The following CCSER1 variants were observed in gnomAD, a reference collection of about 807,000 sequenced individuals.
CCSER1 encodes serine-rich coiled-coil domain-containing protein 1.
Under a neutral mutation model 82.0 loss-of-function variants are expected in CCSER1, and 41 were observed. The ratio of observed to expected loss-of-function variants is 0.50; its 90% confidence interval spans 0.39 to 0.65. The LOEUF is 0.65. CCSER1 is among the 30% of genes least tolerant of loss of function. The probability of loss-of-function intolerance (pLI) is 0.00; values close to 1 mark genes in which losing one functional copy is unlikely to be tolerated. For synonymous variants in CCSER1, 414 were observed against 383.9 expected (o/e 1.08, Z -0.92); for missense variants, 1,119 against 1,064.2 (o/e 1.05, Z -0.72).
chr4:91,356,327 G>A (rs936900752), intron 10 of CCSER1, among the ~76,000 whole-genome samples: 9 of 152,310 alleles, frequency 5.9e-5, no homozygotes, highest in Non-Finnish European at 8.8e-5. Flanking sequence ...CGAAAAGCTC[G>A]TTGCTGTTGG....
At chr4:90,546,952 G>GAGTA (rs2153638563) in intron 5 of CCSER1, among the ~76,000 whole-genome samples, 1 of 152,122 alleles carries the variant, frequency 6.6e-6, no homozygotes, top group East Asian at 1.9e-4. Flanking sequence ...AAAGCCTAAT[G>GAGTA]AGTAAGTCCA....
chr4:91,370,687 C>A, intron 10 of CCSER1, among the ~76,000 whole-genome samples: 1 of 150,644 alleles, frequency 6.6e-6, no homozygotes, highest in African/African-American at 2.4e-5. Flanking sequence ...CAGAATGAGA[C>A]TCTGTCTCAA....
intron 1 of CCSER1, among the ~76,000 whole-genome samples, chr4:90,184,692 C>A (rs889507411): frequency 3.9e-5 from 6 of 152,072 alleles, no homozygotes; most frequent in Non-Finnish European, 5.9e-5. Flanking sequence ...GCTCAGCCTG[C>A]AGATGGTGTG....
chr4:90,685,583 A>T (rs763886956), intron 6 of CCSER1, among the ~76,000 whole-genome samples: 5 of 152,090 alleles, frequency 3.3e-5, no homozygotes, highest in Admixed American at 6.5e-5. Context: ...GAAAACACAG[A>T]CATATGTAAG....
chr4:90,731,555 TA>T (rs1744752402), intron 7 of CCSER1, among the ~76,000 whole-genome samples: 2 of 152,234 alleles, frequency 1.3e-5, no homozygotes, highest in Admixed American at 6.5e-5. Context: ...AATAAGCAGG[TA>T]AAAATAAAAT....
intron 1 of CCSER1, among the ~76,000 whole-genome samples, chr4:90,281,341 A>T (rs139874118): frequency 1.3e-5 from 2 of 152,116 alleles, no homozygotes; most frequent in Non-Finnish European, 1.5e-5. Flanking sequence ...GGGTTTTTCC[A>T]TGTTGCCAGG....
At chr4:91,084,920 A>T (rs1427243383) in intron 9 of CCSER1, among the ~76,000 whole-genome samples, 2 of 152,078 alleles carry the variant, frequency 1.3e-5, no homozygotes, top group African/African-American at 4.8e-5. Flanking sequence ...TTAAACATAA[A>T]TGCTGTAGCC....
chr4:91,014,685 T>TTTTTGGTTG (rs1370083021), intron 9 of CCSER1, among the ~76,000 whole-genome samples: 20 of 82,532 alleles, frequency 2.4e-4, no homozygotes, highest in Non-Finnish European at 5.4e-4. Context: ...AATGTAAACA[T>TTTTTGGTTG]ACATTCAAAA....
intron 10 of CCSER1, among the ~76,000 whole-genome samples, chr4:91,238,781 G>A (rs190532086): frequency 6.6e-6 from 1 of 151,942 alleles, no homozygotes; most frequent in Non-Finnish European, 1.5e-5. Context: ...TCATAAAAAC[G>A]GTTTGCATTT....
intron 6 of CCSER1, among the ~76,000 whole-genome samples, chr4:90,650,529 GA>G (rs1175734254): frequency 6.6e-6 from 1 of 152,152 alleles, no homozygotes; most frequent in Non-Finnish European, 1.5e-5. Context: ...TGCAATAAAA[GA>G]AAGGGAGATA....
intron 10 of CCSER1, among the ~76,000 whole-genome samples, chr4:91,102,012 G>T (rs1264973624): frequency 1.3e-5 from 2 of 149,136 alleles, no homozygotes; most frequent in Admixed American, 6.7e-5. Flanking sequence ...CCTCACTTTT[G>T]CAGTCAGACA....
At chr4:90,167,837 G>A (rs972305738) in intron 1 of CCSER1, among the ~76,000 whole-genome samples, 2 of 151,968 alleles carry the variant, frequency 1.3e-5, no homozygotes, top group Non-Finnish European at 2.9e-5. Context: ...GTATTCCATG[G>A]TGTATATGTG....
At chr4:91,299,763 G>A (rs1353307960) in intron 10 of CCSER1, among the ~76,000 whole-genome samples, 2 of 151,094 alleles carry the variant, frequency 1.3e-5, no homozygotes, top group African/African-American at 4.9e-5. Flanking sequence ...TTTTAGCAGG[G>A]ACTTTTTCTA....
intron 10 of CCSER1, among the ~76,000 whole-genome samples, chr4:91,270,917 C>A (rs951546283): frequency 6.6e-6 from 1 of 152,102 alleles, no homozygotes; most frequent in East Asian, 1.9e-4. Flanking sequence ...TAATGATATT[C>A]ATGAACTACA....
At chr4:91,081,356 TCAA>T (rs1722715085) in intron 9 of CCSER1, among the ~76,000 whole-genome samples, 1 of 152,018 alleles carries the variant, frequency 6.6e-6, no homozygotes, top group Non-Finnish European at 1.5e-5. Flanking sequence ...TGAATAAAAT[TCAA>T]CAGCCCTTCA....
chr4:90,737,265 G>T (rs941178893), intron 7 of CCSER1, among the ~76,000 whole-genome samples: 7 of 152,108 alleles, frequency 4.6e-5, no homozygotes, highest in African/African-American at 1.4e-4. Flanking sequence ...TCAGATTGAA[G>T]AATTCTCTTT....
intron 10 of CCSER1, among the ~76,000 whole-genome samples, chr4:91,369,220 C>T (rs937043756): frequency 6.7e-6 from 1 of 150,334 alleles, no homozygotes; most frequent in Non-Finnish European, 1.5e-5. Flanking sequence ...TTTGTTCTTT[C>T]CCTCTGCTTT....
Position 90,308,617 on chromosome 4 carries a change from C to T in CCSER1, c.333C>T (p.Thr111=). 1 of 1,613,752 alleles carries T rather than the reference C, an allele frequency of 6.2e-7. No homozygotes were observed. The highest frequency in any genetic ancestry group is 8.5e-7 in the Non-Finnish European group (1 of 1,179,822). The part of the protein sequence containing the change: ...QKLSLEEHIK[T]RGRHSVGFSS... ...TGAGTTTGGAAGAACATATTAAGAC[C>T]AGGGGAAGACATTCTGTTGGTTTTA... The change falls in exon 2 of 11, where the codon ACC becomes ACT. Residue 111 remains threonine, a synonymous_variant. Coordinates refer to ENST00000509176, the MANE Select transcript of CCSER1 (RefSeq NM_001145065.2).
intron 10 of CCSER1, among the ~76,000 whole-genome samples, chr4:91,113,944 C>T (rs1726322741): frequency 1.3e-5 from 2 of 151,970 alleles, no homozygotes; most frequent in Non-Finnish European, 1.5e-5. Flanking sequence ...GCTCCGCCTC[C>T]TGAGTTCACG....
Sources: gnomAD v4.1 joint callset for allele counts (sites outside exome capture counted in the v4.1 genomes callset) on GRCh38, gnomAD v4.1.1 for gene constraint, MANE v1.5 for transcripts, NCBI Gene and HGNC (gene_info 2026-07-23, HGNC 2026-07-21) for gene names.